The following ROBO2 variants were observed in gnomAD, a reference collection of about 807,000 sequenced individuals.
ROBO2 encodes roundabout homolog 2.
A neutral mutation model predicts 160.8 loss-of-function variants in ROBO2; 53 were observed. That is an observed-to-expected ratio of 0.33 (90% CI 0.26 to 0.41). ROBO2 has a LOEUF of 0.41. Among genes scored for constraint, ROBO2 ranks in the 10% least tolerant of loss-of-function variants. The probability of loss-of-function intolerance (pLI) is 1.00; values close to 1 mark genes in which losing one functional copy is unlikely to be tolerated. For missense variants in ROBO2, 1,577 were observed against 1,722.4 expected, an observed-to-expected ratio of 0.92 and a Z score of 1.49; for synonymous variants, 664 against 611.7, an observed-to-expected ratio of 1.09 and a Z score of -1.26.
rs994908414 is a variant in ROBO2, at chr3:77,366,777, G to A, written c.389-110637G>A. Among the ~76,000 whole-genome samples the A allele has an allele frequency of 4.6e-5, 7 of 152,100 alleles. No individual in the cohort carries two copies. In the South Asian group the frequency reaches 1.5e-3, roughly 32 times the overall value. On this transcript the variant is annotated intron_variant, in intron 2 of 25. Transcript: ENST00000461745. The stretch of plus-strand genomic sequence containing the variant: ...AGAGAGGAAGTGAGAGTGAGAGAGA[G>A]AAAGAGACAGAGAGAGAGATACAGA...
At chr3:77,017,052 A>G (rs563652700) in intron 2 of ROBO2, among the ~76,000 whole-genome samples, 14 of 152,208 alleles carry the variant, frequency 9.2e-5, no homozygotes, top group Non-Finnish European at 2.1e-4. Context: ...AACTTAATAT[A>G]CTACAGCTCA....
intron 2 of ROBO2, among the ~76,000 whole-genome samples, chr3:76,551,432 G>C (rs1423494177): frequency 6.6e-6 from 1 of 152,018 alleles, no homozygotes; most frequent in Non-Finnish European, 1.5e-5. Context: ...CCCTCCAGTT[G>C]TCCACGTACC....
intron 21 of ROBO2, among the ~76,000 whole-genome samples, chr3:77,613,525 AATAG>A (rs572730131): frequency 1.6e-4 from 24 of 152,302 alleles, no homozygotes; most frequent in Middle Eastern, 3.4e-3. Context: ...TCATATTGAA[AATAG>A]ATAGTTCTCT....
At chr3:76,760,219 G>A (rs2061224961) in intron 2 of ROBO2, among the ~76,000 whole-genome samples, 1 of 151,710 alleles carries the variant, frequency 6.6e-6, no homozygotes, top group Non-Finnish European at 1.5e-5. Flanking sequence ...TAAGTTTCAG[G>A]TGGACCTTTT....
intron 6 of ROBO2, among the ~76,000 whole-genome samples, chr3:77,530,216 A>G (rs2153634045): frequency 6.6e-6 from 1 of 152,094 alleles, no homozygotes; most frequent in Middle Eastern, 3.4e-3. Context: ...ATATGTACCA[A>G]GCATATAACG....
intron 17 of ROBO2, among the ~76,000 whole-genome samples, chr3:77,589,265 T>C (rs1022046705): frequency 6.6e-6 from 1 of 152,060 alleles, no homozygotes; most frequent in Non-Finnish European, 1.5e-5. Flanking sequence ...ATGTGTTACA[T>C]GCTATGAAGC....
intron 5 of ROBO2, 57 bp from the exon 6 acceptor site, chr3:77,522,718 A>T: frequency 6.5e-7 from 1 of 1,542,522 alleles, no homozygotes; most frequent in Non-Finnish European, 8.9e-7. Flanking sequence ...TGAATACTTA[A>T]TGTTATTATC....
intron 2 of ROBO2, among the ~76,000 whole-genome samples, chr3:76,202,095 C>A (rs1363252964): frequency 6.6e-6 from 1 of 152,080 alleles, no homozygotes; most frequent in African/African-American, 2.4e-5. Context: ...CATCTCTACT[C>A]CCCTGAAATA....
chr3:77,372,225 G>A (rs890572429), intron 2 of ROBO2, among the ~76,000 whole-genome samples: 18 of 151,978 alleles, frequency 1.2e-4, no homozygotes, highest in African/African-American at 3.9e-4. Context: ...AAAGAAAAAG[G>A]AAAAGCATTA....
intron 2 of ROBO2, among the ~76,000 whole-genome samples, chr3:76,011,297 G>A (rs964174658): frequency 3.3e-5 from 5 of 152,124 alleles, no homozygotes; most frequent in Admixed American, 2.6e-4. Context: ...CGCCATTGTT[G>A]AGATGCTGCC....
At chr3:77,440,755 C>T (rs572379530) in intron 2 of ROBO2, among the ~76,000 whole-genome samples, 15 of 152,220 alleles carry the variant, frequency 9.9e-5, no homozygotes, top group Admixed American at 2.0e-4. Flanking sequence ...AAGTCTCAGC[C>T]GAGTGTAAAA....
chr3:75,953,539 A>G (rs1024228770), intron 2 of ROBO2, among the ~76,000 whole-genome samples: 1 of 151,950 alleles, frequency 6.6e-6, no homozygotes, highest in Non-Finnish European at 1.5e-5. Flanking sequence ...CATTCTAAGC[A>G]CAGTTTGAAT....
chr3:76,443,385 G>A (rs2077017782), intron 2 of ROBO2, among the ~76,000 whole-genome samples: 1 of 152,016 alleles, frequency 6.6e-6, no homozygotes, highest in Non-Finnish European at 1.5e-5. Context: ...TACCATCCAT[G>A]GTCTCCCGCA....
rs187254562 is a variant in ROBO2, at chr3:77,079,998, T to C, written c.62-18016T>C. ...TTTTCCACCATACAGTGTTAAATAA[T>C]ATTCTCGCTCCGTGTTTGTGAACTG... On this transcript the variant is annotated intron_variant, in intron 1 of 25. Transcript: ENST00000461745. Among the ~76,000 whole-genome samples the C allele has an allele frequency of 7.2e-4, 110 of 152,326 alleles. 1 individual carries two copies. The highest frequency in any genetic ancestry group is 4.3e-3 in the Admixed American group (66 of 15,302).
At chr3:77,496,854 T>C (rs1041578037) in intron 5 of ROBO2, among the ~76,000 whole-genome samples, 9 of 152,122 alleles carry the variant, frequency 5.9e-5, no homozygotes, top group African/African-American at 2.2e-4. Context: ...GGAGTATTTT[T>C]TCCCCTTGCC....
At chr3:77,199,619 CA>C (rs1283365843) in intron 2 of ROBO2, among the ~76,000 whole-genome samples, 9 of 134,808 alleles carry the variant, frequency 6.7e-5, no homozygotes, top group African/African-American at 2.4e-4. Flanking sequence ...ACTCAGTCAC[CA>C]TTTTTTTTTT....
intron 2 of ROBO2, among the ~76,000 whole-genome samples, chr3:77,244,380 G>A (rs763101592): frequency 1.3e-5 from 2 of 152,146 alleles, no homozygotes; most frequent in Non-Finnish European, 2.9e-5. Context: ...GTTGGACTTA[G>A]GAAGGATTTC....
chr3:76,378,422 G>A (rs77410657), intron 2 of ROBO2, among the ~76,000 whole-genome samples: 8,305 of 152,200 alleles, frequency 0.055, 571 homozygotes, highest in African/African-American at 0.16. Flanking sequence ...CACCATTTTA[G>A]TAAAAGTTCA....
At chr3:76,022,079 T>A (rs888153314) in intron 2 of ROBO2, among the ~76,000 whole-genome samples, 1 of 151,714 alleles carries the variant, frequency 6.6e-6, no homozygotes, top group Non-Finnish European at 1.5e-5. Flanking sequence ...TTACCAGGAG[T>A]AGTTTCTATC....
Sources: gnomAD v4.1 joint callset for allele counts (sites outside exome capture counted in the v4.1 genomes callset) on GRCh38, gnomAD v4.1.1 for gene constraint, MANE v1.5 for transcripts, NCBI Gene and HGNC (gene_info 2026-07-23, HGNC 2026-07-21) for gene names.